The following ALKBH3 variants were observed in gnomAD, a reference collection of about 807,000 sequenced individuals.
The protein encoded by ALKBH3 is alkB homolog 3, alpha-ketoglutarate dependent dioxygenase, also known as alpha-ketoglutarate-dependent dioxygenase alkB homolog 3.
Under a neutral mutation model 43.9 loss-of-function variants are expected in ALKBH3, and 51 were observed. That is an observed-to-expected ratio of 1.16 (90% CI 0.93 to 1.47). The LOEUF is 1.47. ALKBH3 is among the 40% of genes most tolerant of loss of function. The pLI, the probability that ALKBH3 is intolerant of heterozygous loss-of-function variation, is 0.00. For synonymous variants in ALKBH3, 102 were observed against 115.2 expected (o/e 0.89, Z 0.73); for missense variants, 361 against 351.9 (o/e 1.03, Z -0.21).
At chr11:43,886,916 A>G (rs530636945) in intron 5 of ALKBH3, among the ~76,000 whole-genome samples, 119 of 152,282 alleles carry the variant, frequency 7.8e-4, no homozygotes, top group African/African-American at 2.7e-3. Context: ...GAACACAGGG[A>G]CACACAGAAG....
rs11391021 is a variant in ALKBH3 at position 43,914,471 on chromosome 11, T to TA, written c.670-4562dup. 5.5e-3 allele frequency among the ~76,000 whole-genome samples: 834 copies of TA among 151,094 alleles called. 6 individuals carry two copies. Among genetic ancestry groups the TA allele is most frequent in the African/African-American group, 0.02 (805 of 41,056 alleles). On this transcript the variant is annotated intron_variant, in intron 8 of 9. Coordinates refer to ENST00000302708, the MANE Select transcript of ALKBH3 (RefSeq NM_139178.4). ...TGGTTTAAGTACCTGGAAACTGTTA[T>TA]AAAAAGAAGCATGGAAAAAAAAGAA...
chr11:43,903,323 C>T (rs1009173350), intron 8 of ALKBH3, among the ~76,000 whole-genome samples: 2 of 152,220 alleles, frequency 1.3e-5, no homozygotes, highest in Non-Finnish European at 2.9e-5. Context: ...ACAGCTTTCA[C>T]TCAGTTAAAT....
At chr11:43,912,921 T>C (rs7130796) in intron 8 of ALKBH3, among the ~76,000 whole-genome samples, 34,518 of 152,030 alleles carry the variant, frequency 0.23, 3,972 homozygotes, top group Non-Finnish European at 0.26. Flanking sequence ...AGCACAAGCC[T>C]ACTGGCTCTC....
intron 5 of ALKBH3, 48 bp downstream of exon 5, chr11:43,886,701 G>T (rs201268589): frequency 2.0e-5 from 32 of 1,577,966 alleles, no homozygotes; most frequent in Non-Finnish European, 2.8e-5. Flanking sequence ...CTGAGTTATA[G>T]TCTCTTAAAA....
In ALKBH3 at chr11:43,892,099, T is replaced by C. The variant is rs185371281; in HGVS notation, c.429T>C (p.Tyr143=). The C allele has an allele frequency of 3.1e-6, 5 of 1,613,644 alleles. No homozygotes were observed. The highest frequency in any genetic ancestry group is 4.5e-5 in the East Asian group (2 of 44,868). The change falls in exon 7 of 10, where the codon TAT becomes TAC. Residue 143 remains tyrosine, a synonymous_variant. Transcript: ENST00000302708. The stretch of plus-strand genomic sequence containing the variant: ...GGTATGGAGAACTTCCTTACACTTA[T>C]TCAAGAATCACTATGGAACCAAATC... ...TAWYGELPYT[Y]SRITMEPNPH...
At chr11:43,909,684 T>C (rs1951922471) in intron 8 of ALKBH3, 1 of 152,214 alleles carries the variant, frequency 6.6e-6, no homozygotes, top group Non-Finnish European at 1.5e-5. Context: ...CTGCAAAAAA[T>C]GCCATGACCA....
At chr11:43,890,192 CT>C (rs1239374950) in intron 6 of ALKBH3, among the ~76,000 whole-genome samples, 10 of 152,174 alleles carry the variant, frequency 6.6e-5, no homozygotes, top group African/African-American at 9.7e-5. Flanking sequence ...ACAGAGCTTT[CT>C]TTTTTTCTTA....
intron 8 of ALKBH3, among the ~76,000 whole-genome samples, chr11:43,910,922 C>A (rs781207116): frequency 2.4e-4 from 36 of 152,168 alleles, no homozygotes; most frequent in Non-Finnish European, 3.2e-4. Context: ...TCTCCCCTCT[C>A]CAAATATTAA....
chr11:43,900,379 A>G (rs998308590), intron 7 of ALKBH3, among the ~76,000 whole-genome samples: 1 of 151,694 alleles, frequency 6.6e-6, no homozygotes, highest in Non-Finnish European at 1.5e-5. Context: ...GCATGCCACC[A>G]TGCCCAGCTG....
intron 8 of ALKBH3, chr11:43,916,783 CTTCAGT>C (rs1268785819): frequency 6.6e-6 from 1 of 152,204 alleles, no homozygotes; most frequent in East Asian, 1.9e-4. Context: ...ATGCATCTTG[CTTCAGT>C]TGAAGGGCAT....
intron 5 of ALKBH3, among the ~76,000 whole-genome samples, chr11:43,886,970 G>T (rs1470436822): frequency 6.6e-6 from 1 of 152,094 alleles, no homozygotes; most frequent in Non-Finnish European, 1.5e-5. Context: ...GAGGGTGGGA[G>T]GAGGGAGAGG....
chr11:43,897,161 A>G (rs781407938), intron 7 of ALKBH3: 14 of 484,852 alleles, frequency 2.9e-5, no homozygotes, highest in Non-Finnish European at 4.5e-5. Flanking sequence ...GGCTTTATAT[A>G]TAAAATAATA....
chr11:43,905,951 T>A (rs776638820), intron 8 of ALKBH3, among the ~76,000 whole-genome samples: 3 of 151,870 alleles, frequency 2.0e-5, no homozygotes, highest in Non-Finnish European at 4.4e-5. Flanking sequence ...GGCTGGGGGG[T>A]GTTATTAGAT....
At chr11:43,892,440 C>T (rs996648674) in intron 7 of ALKBH3, among the ~76,000 whole-genome samples, 6 of 152,144 alleles carry the variant, frequency 3.9e-5, no homozygotes, top group Admixed American at 3.3e-4. Flanking sequence ...TATGCATTTG[C>T]TGTGGGGCTG....
intron 2 of ALKBH3, 173 bp from the exon 3 acceptor site, chr11:43,882,912 C>G: frequency 1.2e-6 from 1 of 830,092 alleles, no homozygotes; most frequent in Non-Finnish European, 1.9e-6. Context: ...CTTTAATGTT[C>G]CTCATATTTA....
intron 8 of ALKBH3, among the ~76,000 whole-genome samples, chr11:43,905,356 C>G (rs1951888675): frequency 6.6e-6 from 1 of 152,070 alleles, no homozygotes; most frequent in Non-Finnish European, 1.5e-5. Flanking sequence ...CCCTCTGATT[C>G]ATGCATCAGC....
chr11:43,906,479 C>T (rs927726166), intron 8 of ALKBH3, among the ~76,000 whole-genome samples: 8 of 152,156 alleles, frequency 5.3e-5, no homozygotes, highest in East Asian at 1.9e-4. Context: ...CCAGCAGCCC[C>T]GCTGCTGCTA....
At chr11:43,916,057 T>C (rs1247762372) in intron 8 of ALKBH3, among the ~76,000 whole-genome samples, 1 of 152,236 alleles carries the variant, frequency 6.6e-6, no homozygotes, top group Non-Finnish European at 1.5e-5. Context: ...TTTTAAAGCA[T>C]TGATGATTGT....
chr11:43,919,974 G>A lies in ALKBH3; in HGVS notation c.825G>A (p.Arg275=). 6.2e-7 allele frequency: 1 copy of A among 1,614,158 alleles called. No homozygotes were observed. The highest frequency in any genetic ancestry group is 8.5e-7 in the Non-Finnish European group (1 of 1,180,024). ...AACCGAGAGTGAACCTGACCTTTCGGACAGTCTATCCAGACCCTCGAGGGG... is the reference window on the plus strand; with the variant it reads ...AACCGAGAGTGAACCTGACCTTTCGAACAGTCTATCCAGACCCTCGAGGGG... ...SREPRVNLTF[R]TVYPDPRGAP... The change falls in exon 10 of 10, where the codon CGG becomes CGA. Residue 275 remains arginine, a synonymous_variant. Coordinates refer to ENST00000302708, the MANE Select transcript of ALKBH3 (RefSeq NM_139178.4).
Sources: allele counts gnomAD v4.1 joint callset (sites outside exome capture counted in the v4.1 genomes callset), GRCh38; gene constraint gnomAD v4.1.1; transcripts MANE v1.5; gene names NCBI Gene and HGNC (gene_info 2026-07-23, HGNC 2026-07-21).